Variants in BARX2 observed in about 807,000 individuals in gnomAD.
BARX2 encodes the protein homeobox protein BarH-like 2.
In BARX2, 11 loss-of-function variants were observed where a neutral mutation model predicts 25.5. The ratio of observed to expected loss-of-function variants is 0.43; its 90% CI spans 0.27 to 0.71. BARX2 has a LOEUF of 0.71. BARX2 is among the 30% of genes least tolerant of loss of function. BARX2 has a pLI of 0.19. For synonymous variants in BARX2, 137 were observed against 149.5 expected, an observed-to-expected ratio of 0.92 and a Z score of 0.61; for missense variants, 360 against 359.9, an observed-to-expected ratio of 1.00 and a Z score of 0.00.
chr11:129,436,620 C>T lies in BARX2; in HGVS notation c.188-131C>T, dbSNP rs1862191319. 1.0e-6 allele frequency: 1 copy of T among 999,710 alleles called. No homozygotes were observed. The highest frequency in any genetic ancestry group is 1.6e-5 in the African/African-American group (1 of 62,166). The allele number at this position is 999,710 out of a possible 1,614,324, so 61.9% of individuals were successfully genotyped here. On this transcript the variant is annotated intron_variant, in intron 1 of 3. Transcript: ENST00000281437. The surrounding 1 kb of genome is among the most constrained non-coding windows in gnomAD (Gnocchi z 4.5). ...TCTTGAGTTACCTCTCCTTCCCCTTCCTCCATCTGTACCTCCTTAAGAGCA... is the reference window on the plus strand; with the variant it reads ...TCTTGAGTTACCTCTCCTTCCCCTTTCTCCATCTGTACCTCCTTAAGAGCA...
intron 2 of BARX2, among the ~76,000 whole-genome samples, chr11:129,440,488 G>A (rs901975303): frequency 3.3e-5 from 5 of 152,226 alleles, no homozygotes; most frequent in Non-Finnish European, 7.3e-5. Context: ...CTCAATGAGC[G>A]ACTGCTTGGG....
chr11:129,384,131 C>T (rs1255302687), intron 1 of BARX2, among the ~76,000 whole-genome samples: 2 of 152,112 alleles, frequency 1.3e-5, no homozygotes. Context: ...CTCGGCCTCC[C>T]AAAGTGCTGG....
In BARX2 at chr11:129,390,727, A is replaced by C. The variant is rs145341595; in HGVS notation, c.187+14505A>C. Among the ~76,000 whole-genome samples, 54 of 152,352 alleles carry C rather than the reference A, an allele frequency of 3.5e-4. No individual in the cohort carries two copies. Among genetic ancestry groups the C allele is most frequent in the Non-Finnish European group, 7.1e-4 (48 of 68,034 alleles). On this transcript the variant is annotated intron_variant, in intron 1 of 3. Coordinates refer to ENST00000281437, the MANE Select transcript of BARX2 (RefSeq NM_003658.5). The surrounding 1 kb of genome is among the most constrained non-coding windows in gnomAD (Gnocchi z 4.3). The stretch of plus-strand genomic sequence containing the variant: ...GCTTATTTTCAGAGGCGTTCCCCAT[A>C]ACTGACAGCAGTCAATGACTTCTGA...
At chr11:129,424,176 T>C (rs1862039238) in intron 1 of BARX2, among the ~76,000 whole-genome samples, 1 of 152,232 alleles carries the variant, frequency 6.6e-6, no homozygotes, top group Non-Finnish European at 1.5e-5. Flanking sequence ...ATCTTTCTTC[T>C]TGGGAGATGA....
At chr11:129,424,247 C>T (rs1862039950) in intron 1 of BARX2, among the ~76,000 whole-genome samples, 1 of 152,216 alleles carries the variant, frequency 6.6e-6, no homozygotes, top group African/African-American at 2.4e-5. Context: ...TCTCAGAGCC[C>T]TTCTGGGGAG....
intron 1 of BARX2, among the ~76,000 whole-genome samples, chr11:129,420,575 C>G (rs1861993470): frequency 6.6e-6 from 1 of 152,182 alleles, no homozygotes; most frequent in Non-Finnish European, 1.5e-5. Context: ...ATCTCAAAGT[C>G]TTAATTGTGC....
intron 3 of BARX2, among the ~76,000 whole-genome samples, chr11:129,446,513 G>T (rs916162121): frequency 6.6e-6 from 1 of 152,116 alleles, no homozygotes; most frequent in Non-Finnish European, 1.5e-5. Flanking sequence ...AATAGGACCT[G>T]CCATATAGGA....
intron 1 of BARX2, among the ~76,000 whole-genome samples, chr11:129,388,092 A>G (rs1262927947): frequency 1.6e-5 from 1 of 61,382 alleles, no homozygotes; most frequent in Non-Finnish European, 3.6e-5. Flanking sequence ...TAGGCAACAT[A>G]CTGTGTGTGT....
At chr11:129,396,860 G>A (rs1476224016) in intron 1 of BARX2, among the ~76,000 whole-genome samples, 7 of 152,154 alleles carry the variant, frequency 4.6e-5, no homozygotes, top group Non-Finnish European at 8.8e-5. Flanking sequence ...GACTGGTGGA[G>A]TTACCAGCTC....
intron 1 of BARX2, among the ~76,000 whole-genome samples, chr11:129,391,319 A>G (rs553616562): frequency 4.6e-5 from 7 of 152,238 alleles, no homozygotes; most frequent in Non-Finnish European, 7.3e-5. Flanking sequence ...GTGTCCGTAC[A>G]TAAAAATGTT....
intron 1 of BARX2, among the ~76,000 whole-genome samples, chr11:129,395,924 G>T (rs936954540): frequency 6.6e-6 from 1 of 152,072 alleles, no homozygotes; most frequent in African/African-American, 2.4e-5. Context: ...CCTGAATCTC[G>T]TGTGGACAAA....
At chr11:129,388,806 C>T (rs1861640223) in intron 1 of BARX2, among the ~76,000 whole-genome samples, 1 of 152,162 alleles carries the variant, frequency 6.6e-6, no homozygotes, top group Non-Finnish European at 1.5e-5. Flanking sequence ...GTAATTTGCA[C>T]CCCACGACTC....
chr11:129,442,995 C>T (rs1862281488), intron 3 of BARX2, 76 bp downstream of exon 3: 10 of 1,380,484 alleles, frequency 7.2e-6, no homozygotes, highest in Middle Eastern at 1.9e-4. Flanking sequence ...GGAGGGAGGC[C>T]GGACCATTTG....
intron 1 of BARX2, among the ~76,000 whole-genome samples, chr11:129,435,615 G>C (rs1314643702): frequency 1.3e-5 from 2 of 152,178 alleles, no homozygotes; most frequent in African/African-American, 4.8e-5. Context: ...ATTTTCATCA[G>C]ATATCAAATG....
intron 1 of BARX2, among the ~76,000 whole-genome samples, chr11:129,389,038 A>G (rs991698580): frequency 6.6e-6 from 1 of 151,816 alleles, no homozygotes; most frequent in Non-Finnish European, 1.5e-5. Context: ...TCAGTATTTT[A>G]TTGGCTGTGT....
chr11:129,403,089 T>C (rs1265792214), intron 1 of BARX2, among the ~76,000 whole-genome samples: 1 of 152,250 alleles, frequency 6.6e-6, no homozygotes, highest in African/African-American at 2.4e-5. Context: ...GGCTCAGCTG[T>C]CCTCGTGTTG....
intron 1 of BARX2, among the ~76,000 whole-genome samples, chr11:129,424,616 A>G (rs1464125129): frequency 6.6e-6 from 1 of 152,052 alleles, no homozygotes; most frequent in Non-Finnish European, 1.5e-5. Flanking sequence ...CCTTTGCCAC[A>G]TGTTTCTTCA....
At chr11:129,432,616 C>T (rs938085986) in intron 1 of BARX2, among the ~76,000 whole-genome samples, 1 of 152,142 alleles carries the variant, frequency 6.6e-6, no homozygotes, top group African/African-American at 2.4e-5. Context: ...GATTTCTAGA[C>T]TGATTTTCTT....
chr11:129,451,594 C>T lies in BARX2; in HGVS notation c.*192C>T. ...TTGACAAAGACTTGCTTGTCTTGGGCCTGTCACCTCCTGAAAGGCTGCTTT... is the reference window on the plus strand; with the variant it reads ...TTGACAAAGACTTGCTTGTCTTGGGTCTGTCACCTCCTGAAAGGCTGCTTT... On this transcript the variant is annotated 3_prime_UTR_variant, in exon 4 of 4. Transcript: ENST00000281437. The T allele has an allele frequency of 3.0e-6, 2 of 674,234 alleles. No homozygotes were observed. The highest frequency in any genetic ancestry group is 2.4e-6 in the Non-Finnish European group (1 of 411,696). 41.8% of individuals were successfully genotyped at this position (674,234 alleles called of 1,614,324 possible).
Sources: gnomAD v4.1 joint callset for allele counts (sites outside exome capture counted in the v4.1 genomes callset) on GRCh38, gnomAD v4.1.1 for gene constraint, Gnocchi (gnomAD v3.1) non-coding constraint, MANE v1.5 for transcripts, NCBI Gene and HGNC (gene_info 2026-07-23, HGNC 2026-07-21) for gene names.